Variants in VPS11 observed in about 807,000 individuals in gnomAD.
VPS11 encodes the protein VPS11 core subunit of CORVET and HOPS complexes, also known as vacuolar protein sorting-associated protein 11 homolog.
VPS11 carries 51 observed loss-of-function variants against 106.8 expected under a neutral mutation model. That is an observed-to-expected ratio of 0.48 (90% CI 0.38 to 0.60). The LOEUF is 0.60. Ranked by LOEUF, VPS11 falls within the 20% of genes least tolerant of loss-of-function variation. The pLI is 0.00. For synonymous variants in VPS11, 453 were observed against 458.7 expected (o/e 0.99, Z 0.16); for missense variants, 950 against 1,190.0 (o/e 0.80, Z 2.97).
At position 119,069,244 on chromosome 11, in the gene VPS11, G is replaced by T. The variant is rs781923980; in HGVS notation, c.236G>T (p.Gly79Val). The T allele has an allele frequency of 7.4e-6, 12 of 1,613,830 alleles. No individual in the cohort carries two copies. Among genetic ancestry groups the T allele is most frequent in the Non-Finnish European group, 1.0e-5 (12 of 1,179,888 alleles). ...WFLPRSLQLT[G>V]FQAYKLRVTH... is the part of the protein sequence containing the mutation. ...TTGCCACGTTCCCTACAGCTTACAGGCTTCCAAGCCTACAAACTACGGGTG... is the reference window on the plus strand; with the variant it reads ...TTGCCACGTTCCCTACAGCTTACAGTCTTCCAAGCCTACAAACTACGGGTG... Residue 79 changes from glycine to valine, a missense_variant, in exon 2 of 16, where the codon GGC (glycine) becomes GTC (valine). Gly to Val is a moderately radical substitution (Grantham distance 109, BLOSUM62 -3). Around this residue, in one of 3 missense-constraint regions of VPS11, gnomAD observed 435 missense variants for 630.2 expected, o/e 0.69. Coordinates refer to ENST00000621676, the MANE Select transcript of VPS11 (RefSeq NM_021729.6).
chr11:119,079,686 C>T (rs994597922), intron 14 of VPS11, among the ~76,000 whole-genome samples: 4 of 152,194 alleles, frequency 2.6e-5, no homozygotes, highest in Non-Finnish European at 4.4e-5. Flanking sequence ...AGTGATTCTC[C>T]CGCCTCAGCC....
rs1945856149 is a variant in VPS11 at position 119,081,625 on chromosome 11, C to T, written c.*2C>T. 2 of 1,613,650 alleles carry T rather than the reference C, an allele frequency of 1.2e-6. No individual in the cohort carries two copies. Among genetic ancestry groups the T allele is most frequent in the South Asian group, 2.2e-5 (2 of 91,082 alleles). ...ATGCACTCCAGGAGGGGCACTTAAG[C>T]AGCCTGGAGGAAGATGTGGGCAACA... On this transcript the variant is annotated 3_prime_UTR_variant, in exon 16 of 16. Coordinates refer to ENST00000621676, the MANE Select transcript of VPS11 (RefSeq NM_021729.6).
intron 7 of VPS11, among the ~76,000 whole-genome samples, chr11:119,075,682 T>C (rs1945582394): frequency 6.6e-6 from 1 of 150,866 alleles, no homozygotes; most frequent in African/African-American, 2.4e-5. Flanking sequence ...CGAAACCCCA[T>C]CTCTACTAAA....
chr11:119,069,685 G>A, intron 3 of VPS11, 108 bp downstream of exon 3: 1 of 1,483,966 alleles, frequency 6.7e-7, no homozygotes, highest in Non-Finnish European at 9.2e-7. Flanking sequence ...GTACTGAACT[G>A]AGGCCTTTGC....
chr11:119,075,154 C>G (rs1945556410), intron 7 of VPS11, among the ~76,000 whole-genome samples: 1 of 151,916 alleles, frequency 6.6e-6, no homozygotes, highest in Non-Finnish European at 1.5e-5. Context: ...GTAGTCCCAG[C>G]TACTTGGGAG....
intron 4 of VPS11, 124 bp downstream of exon 4, chr11:119,070,521 AT>A: frequency 1.8e-6 from 2 of 1,083,534 alleles, no homozygotes; most frequent in Non-Finnish European, 2.5e-6. Flanking sequence ...AATTCGAATC[AT>A]TTGCCTAGCT....
At chr11:119,073,514 T>G (rs1483740466) in intron 6 of VPS11, 115 bp downstream of exon 6, 2 of 1,298,186 alleles carry the variant, frequency 1.5e-6, no homozygotes, top group East Asian at 5.0e-5. Context: ...ACAGCCTTAC[T>G]CAGCTTCCTT....
At chr11:119,068,797 G>C (rs1466706372) in intron 1 of VPS11, among the ~76,000 whole-genome samples, 1 of 151,588 alleles carries the variant, frequency 6.6e-6, no homozygotes, top group Non-Finnish European at 1.5e-5. Context: ...TGTTGCACAG[G>C]CTGGAGTGCA....
chr11:119,077,404 T>C (rs1040223553), intron 8 of VPS11, 97 bp from the exon 9 acceptor site: 6 of 1,461,584 alleles, frequency 4.1e-6, no homozygotes, highest in African/African-American at 1.4e-5. Flanking sequence ...GTGAACGTTA[T>C]GATATCACCT....
In VPS11 at chr11:119,072,185, C is replaced by A. The variant is rs187534138; in HGVS notation, c.884+342C>A. Reference sequence around the variant, plus strand: ...TTCACCATGTTGGCCAGGCTGGTGTCAGACTCCTGACCTCAAGTGATCTAC... The same window carrying A: ...TTCACCATGTTGGCCAGGCTGGTGTAAGACTCCTGACCTCAAGTGATCTAC... On this transcript the variant is annotated intron_variant, in intron 5 of 15. Transcript: ENST00000621676. 1.4e-3 allele frequency: 342 copies of A among 248,790 alleles called. 1 individual carries two copies. Among genetic ancestry groups the A allele is most frequent in the Middle Eastern group, 9.4e-3 (6 of 636 alleles). 15.4% of individuals were successfully genotyped at this position (248,790 alleles called of 1,614,324 possible). A position where few individuals can be genotyped will look rare whatever the true frequency, so the allele number is the denominator to read the frequency against.
intron 3 of VPS11, among the ~76,000 whole-genome samples, chr11:119,069,999 A>AAAATAAATAAATACAT (rs1945309880): frequency 7.1e-6 from 1 of 141,708 alleles, no homozygotes; most frequent in Admixed American, 7.0e-5. Flanking sequence ...ACTCTGTCTC[A>AAAATAAATAAATACAT]AAATAAATAA....
At position 119,071,616 on chromosome 11, in the gene VPS11, A is replaced by G. The variant is rs782557201; in HGVS notation, c.657A>G (p.Lys219=). ...GGCAGTCCTATATAGTTTCTGGAAA[A>G]GACTACCCTCGCGTGGAGTTGGACA... is the stretch of plus-strand genomic sequence containing the variant. ...ENVQSYIVSG[K]DYPRVELDTH... is the part of the protein sequence containing the mutation. Residue 219 remains lysine (K), a synonymous_variant, in exon 5 of 16, where the codon AAA becomes AAG. Coordinates refer to ENST00000621676, the MANE Select transcript of VPS11 (RefSeq NM_021729.6). 6.2e-7 allele frequency: 1 copy of G among 1,614,008 alleles called. No individual in the cohort carries two copies. The highest frequency in any genetic ancestry group is 8.5e-7 in the Non-Finnish European group (1 of 1,179,884).
In VPS11 at chr11:119,074,132, C is replaced by T. The variant is rs140753456; in HGVS notation, c.1238+181C>T. 8.7e-4 allele frequency among the ~76,000 whole-genome samples: 132 copies of T among 152,294 alleles called. No individual in the cohort carries two copies. The East Asian group carries it at 0.015, about 18-fold the overall frequency. ...TGGAGTTTCGCTCTTGTTGTCCAAGCTGGAGTGCAATGGCGCGATCTCGAC... is the reference window on the plus strand; with the variant it reads ...TGGAGTTTCGCTCTTGTTGTCCAAGTTGGAGTGCAATGGCGCGATCTCGAC... On this transcript the variant is annotated intron_variant, in intron 7 of 15. Transcript: ENST00000621676.
Position 119,078,939 on chromosome 11 carries a change from G to C in VPS11, c.2208G>C (p.Glu736Asp). 2 of 1,614,084 alleles carry C rather than the reference G, an allele frequency of 1.2e-6. No homozygotes were observed. The highest frequency in any genetic ancestry group is 1.6e-4 in the Middle Eastern group (1 of 6,062). ...YFARKEEDCK[E>D]YVAAVLKHIE... ...CTCGCAAGGAGGAGGACTGCAAGGA[G>C]TATGTGGCAGCTGTCCTCAAGCATA... The change falls in exon 13 of 16, where the codon GAG (glutamate) becomes GAC (aspartate). Residue 736 changes from glutamate to aspartate, a missense_variant. Physicochemically the swap from Glu to Asp is conservative, Grantham distance 45. Coordinates refer to ENST00000621676, the MANE Select transcript of VPS11 (RefSeq NM_021729.6).
Position 119,081,267 on chromosome 11 carries a change from C to T in VPS11, c.2614C>T (p.Arg872Trp), listed in dbSNP as rs375288641. 2.0e-5 allele frequency: 32 copies of T among 1,613,792 alleles called. No homozygotes were observed. Among genetic ancestry groups the T allele is most frequent in the Middle Eastern group, 1.6e-4 (1 of 6,082 alleles). Residue 872 changes from arginine (R) to tryptophan (W), a missense_variant, in exon 15 of 16, where the codon CGG becomes TGG. Physicochemically the swap from Arg to Trp is moderately radical, Grantham distance 101. Coordinates refer to ENST00000621676, the MANE Select transcript of VPS11 (RefSeq NM_021729.6). ...PENRKVMDMI[R>W]AQEQKRDLHD... is the part of the protein sequence containing the mutation. Reference sequence around the variant, plus strand: ...AAACCGGAAGGTCATGGATATGATCCGGGCCCAGGAACAGAAACGAGATCT... The same window carrying T: ...AAACCGGAAGGTCATGGATATGATCTGGGCCCAGGAACAGAAACGAGATCT...
At chr11:119,079,616 CT>C (rs1409679026) in intron 14 of VPS11, among the ~76,000 whole-genome samples, 3 of 152,168 alleles carry the variant, frequency 2.0e-5, no homozygotes, top group Admixed American at 2.0e-4. Context: ...GATCTTGTCA[CT>C]GAGGCTGGAG....
chr11:119,081,062 C>T, intron 14 of VPS11, 30 bp from the exon 15 acceptor site: 5 of 1,599,056 alleles, frequency 3.1e-6, no homozygotes, highest in Non-Finnish European at 4.3e-6. Flanking sequence ...CTCACTTTTG[C>T]CACTCACTTC....
At chr11:119,071,521 G>A in intron 4 of VPS11, 75 bp from the exon 5 acceptor site, 1 of 1,554,564 alleles carries the variant, frequency 6.4e-7, no homozygotes, top group African/African-American at 1.4e-5. Context: ...CCAGTATGGA[G>A]ATGGGAATAC....
chr11:119,070,554 A>T (rs1023282435), intron 4 of VPS11, 157 bp downstream of exon 4: 14 of 852,018 alleles, frequency 1.6e-5, no homozygotes, highest in Non-Finnish European at 2.3e-5. Context: ...TTTTTTGCCT[A>T]GGAAGCTGGA....
Sources: gnomAD v4.1 joint callset for allele counts (sites outside exome capture counted in the v4.1 genomes callset) on GRCh38, gnomAD v4.1.1 for gene constraint, gnomAD v4.1.1 regional missense constraint, MANE v1.5 for transcripts, NCBI Gene and HGNC (gene_info 2026-07-23, HGNC 2026-07-21) for gene names.